Variants in NAV2 observed in about 807,000 individuals in gnomAD.
NAV2 encodes helicase, APC down-regulated 1.
A neutral mutation model predicts 223.2 loss-of-function variants in NAV2; 54 were observed. The observed-to-expected ratio is 0.24, with a 90% CI of 0.19 to 0.30. The LOEUF (loss-of-function observed/expected upper bound fraction) is 0.30, where lower values mean the gene tolerates loss of function less well. Among genes scored for constraint, NAV2 ranks in the 10% least tolerant of loss-of-function variants. NAV2 has a pLI of 1.00. For missense variants in NAV2, 2,806 were observed against 3,147.5 expected, an observed-to-expected ratio of 0.89 and a Z score of 2.60; for synonymous variants, 1,279 against 1,239.3, an observed-to-expected ratio of 1.03 and a Z score of -0.67.
At chr11:19,607,662 G>A (rs2046518667) in intron 1 of NAV2, among the ~76,000 whole-genome samples, 1 of 152,210 alleles carries the variant, frequency 6.6e-6, no homozygotes, top group African/African-American at 2.4e-5. Context: ...TCTAATGAAA[G>A]GGTATGGCTG....
intron 1 of NAV2, among the ~76,000 whole-genome samples, chr11:19,489,424 A>G (rs2042551191): frequency 6.6e-6 from 1 of 152,210 alleles, no homozygotes; most frequent in South Asian, 2.1e-4. Context: ...GAAGGCAGAG[A>G]CTATAGTTTC....
In NAV2 at chr11:20,031,630, C is replaced by T. The variant is rs527667720; in HGVS notation, c.2769-4329C>T. On this transcript the variant is annotated intron_variant, in intron 11 of 37. Transcript: ENST00000349880. The stretch of plus-strand genomic sequence containing the variant: ...CGATGTCAAAGGCACACTTCCATCC[C>T]TCTCAGCTCTGCTTCCCACTGTGCC... Among the ~76,000 whole-genome samples the T allele has an allele frequency of 2.6e-5, 4 of 152,324 alleles. No individual in the cohort carries two copies. In the East Asian group the frequency reaches 7.7e-4, roughly 29 times the overall value.
At chr11:19,876,899 AT>A (rs1199763418) in intron 4 of NAV2, among the ~76,000 whole-genome samples, 1 of 149,178 alleles carries the variant, frequency 6.7e-6, no homozygotes, top group East Asian at 1.9e-4. Flanking sequence ...TTATTTATTT[AT>A]TTATTTTATA....
chr11:19,519,695 C>T (rs1288203512), intron 1 of NAV2: 1 of 152,242 alleles, frequency 6.6e-6, no homozygotes, highest in East Asian at 1.9e-4. Flanking sequence ...TGTTACCCCT[C>T]CCATCTCATT....
chr11:19,625,913 T>C (rs1385055931), intron 1 of NAV2, among the ~76,000 whole-genome samples: 1 of 152,200 alleles, frequency 6.6e-6, no homozygotes, highest in Non-Finnish European at 1.5e-5. Context: ...TTTGAGTTCC[T>C]TGTATATTCT....
intron 1 of NAV2, among the ~76,000 whole-genome samples, chr11:19,372,234 G>A (rs1361158203): frequency 1.3e-5 from 2 of 152,208 alleles, no homozygotes; most frequent in African/African-American, 4.8e-5. Flanking sequence ...ATTTGTAGAA[G>A]AGGGGTGTCA....
intron 1 of NAV2, among the ~76,000 whole-genome samples, chr11:19,821,012 C>T (rs2059340402): frequency 2.6e-5 from 4 of 152,198 alleles, no homozygotes; most frequent in South Asian, 4.2e-4. Context: ...CCTGTAATCC[C>T]AGCACTTTGG....
chr11:19,468,618 A>G (rs1022014229), intron 1 of NAV2, among the ~76,000 whole-genome samples: 2 of 152,112 alleles, frequency 1.3e-5, no homozygotes, highest in African/African-American at 4.8e-5. Context: ...TAATAACCTT[A>G]TTTCCAAATA....
intron 10 of NAV2, among the ~76,000 whole-genome samples, chr11:19,964,599 A>G (rs999938583): frequency 1.3e-5 from 2 of 151,748 alleles, no homozygotes; most frequent in Non-Finnish European, 2.9e-5. Context: ...AGGCTCAAGC[A>G]GTCCTCCTGC....
At chr11:19,478,373 T>G in intron 1 of NAV2, among the ~76,000 whole-genome samples, 1 of 152,092 alleles carries the variant, frequency 6.6e-6, no homozygotes, top group South Asian at 2.1e-4. Flanking sequence ...TGGAAGGTTT[T>G]AAATGTGAGA....
rs998498532 is a variant in NAV2 at position 19,422,230 on chromosome 11, G to A, written c.75+71203G>A. On this transcript the variant is annotated intron_variant, in intron 1 of 37. Coordinates refer to the NAV2 transcript ENST00000360655. ...TGTTCCAGTGACACAGTGCCAGTCT[G>A]GGGGGCGGGGAGCGGGTGGAAATCA... Among the ~76,000 whole-genome samples the A allele has an allele frequency of 3.9e-4, 59 of 152,156 alleles. 1 individual carries two copies. The highest frequency in any genetic ancestry group is 1.4e-3 in the African/African-American group (57 of 41,448).
chr11:19,449,312 A>G (rs1442235330), intron 1 of NAV2, among the ~76,000 whole-genome samples: 1 of 151,640 alleles, frequency 6.6e-6, no homozygotes, highest in Admixed American at 6.6e-5. Context: ...GAAATGTGGG[A>G]GCCAAGCCCG....
intron 1 of NAV2, among the ~76,000 whole-genome samples, chr11:19,577,775 G>T (rs1249778251): frequency 1.3e-5 from 2 of 152,090 alleles, no homozygotes; most frequent in Non-Finnish European, 2.9e-5. Context: ...CATGGACCAG[G>T]CCCCACTATT....
chr11:19,596,916 A>G (rs2046220518), intron 1 of NAV2, among the ~76,000 whole-genome samples: 2 of 152,212 alleles, frequency 1.3e-5, no homozygotes, highest in Admixed American at 1.3e-4. Context: ...CACTCTGCAG[A>G]TGCAGAAACG....
chr11:20,102,052 G>A (rs2061677785), intron 32 of NAV2, among the ~76,000 whole-genome samples: 1 of 152,148 alleles, frequency 6.6e-6, no homozygotes, highest in South Asian at 2.1e-4. Context: ...CCATCTACAA[G>A]TTCCCCAAGT....
intron 5 of NAV2, among the ~76,000 whole-genome samples, chr11:19,887,911 T>G (rs2041153789): frequency 6.6e-6 from 1 of 150,866 alleles, no homozygotes; most frequent in East Asian, 2.0e-4. Flanking sequence ...GGGCATCCTC[T>G]GCTCCCAGCC....
intron 1 of NAV2, among the ~76,000 whole-genome samples, chr11:19,508,512 G>A (rs183213365): frequency 3.9e-4 from 59 of 152,070 alleles, no homozygotes; most frequent in Non-Finnish European, 7.5e-4. Context: ...GCTTCTCTTC[G>A]CAGTTCTCAT....
chr11:19,517,779 G>A (rs1294847451), intron 1 of NAV2, among the ~76,000 whole-genome samples: 1 of 152,224 alleles, frequency 6.6e-6, no homozygotes, highest in African/African-American at 2.4e-5. Flanking sequence ...AGGTAAGAAA[G>A]CCCACTAGGA....
chr11:19,924,344 C>T (rs7109389), intron 6 of NAV2, among the ~76,000 whole-genome samples: 81,775 of 150,104 alleles, frequency 0.54, 22,735 homozygotes, highest in East Asian at 0.67. Context: ...TACCAGCAGA[C>T]AAATGAATTA....
Sources: allele counts gnomAD v4.1 joint callset (sites outside exome capture counted in the v4.1 genomes callset), GRCh38; gene constraint gnomAD v4.1.1; transcripts MANE v1.5; gene names NCBI Gene and HGNC (gene_info 2026-07-23, HGNC 2026-07-21).